The following ZNF423 variants were observed in gnomAD, a reference collection of about 807,000 sequenced individuals.
ZNF423 encodes the protein zinc finger protein 423.
ZNF423 carries 12 observed loss-of-function variants against 95.8 expected under a neutral mutation model. That is an observed-to-expected ratio of 0.13 (90% CI 0.08 to 0.20). The LOEUF (loss-of-function observed/expected upper bound fraction) is 0.20. ZNF423 is among the 10% of genes least tolerant of loss of function. ZNF423 has a pLI of 1.00. For synonymous variants in ZNF423, 749 were observed against 711.9 expected (o/e 1.05, Z -0.83); for missense variants, 1,316 against 1,737.1 (o/e 0.76, Z 4.31).
At chr16:49,739,408 G>T (rs1413943598) in intron 2 of ZNF423, among the ~76,000 whole-genome samples, 1 of 152,094 alleles carries the variant, frequency 6.6e-6, no homozygotes, top group Non-Finnish European at 1.5e-5. Context: ...AGGCCCTCTT[G>T]CAAGGCACGA....
intron 2 of ZNF423, among the ~76,000 whole-genome samples, chr16:49,768,150 G>A (rs993538666): frequency 3.3e-5 from 5 of 152,204 alleles, no homozygotes; most frequent in Non-Finnish European, 7.3e-5. Context: ...GAGGGCTCGC[G>A]CACAGCTGGA....
At chr16:49,799,092 C>T (rs2034542300) in intron 1 of ZNF423, among the ~76,000 whole-genome samples, 1 of 152,124 alleles carries the variant, frequency 6.6e-6, no homozygotes, top group Non-Finnish European at 1.5e-5. Context: ...CTGGAATAGG[C>T]TGCTGTCCCC....
At chr16:49,495,048 G>T (rs936680277) in intron 7 of ZNF423, among the ~76,000 whole-genome samples, 2 of 152,226 alleles carry the variant, frequency 1.3e-5, no homozygotes, top group African/African-American at 4.8e-5. Context: ...ATAAAGGCTG[G>T]GGGTGGAGAC....
rs545490850 is a variant in ZNF423 at position 49,677,023 on chromosome 16, C to A, written c.302-38149G>T. On this transcript the variant is annotated intron_variant, in intron 3 of 7. Transcript: ENST00000563137. ...ACCTGAGGTCAGGAGCTCAAGATCA[C>A]CCTGGCCAACATGGTGAAACCCCAT... 9.9e-5 allele frequency among the ~76,000 whole-genome samples: 15 copies of A among 151,518 alleles called. No individual in the cohort carries two copies. In the East Asian group the frequency reaches 2.8e-3, roughly 28 times the overall value.
intron 7 of ZNF423, among the ~76,000 whole-genome samples, chr16:49,509,920 A>G (rs1407750597): frequency 6.6e-6 from 1 of 152,234 alleles, no homozygotes; most frequent in Non-Finnish European, 1.5e-5. Context: ...GTTTGCCCTC[A>G]GAATGGGAAA....
intron 5 of ZNF423, among the ~76,000 whole-genome samples, chr16:49,624,544 C>T (rs1430835050): frequency 2.0e-5 from 3 of 152,110 alleles, no homozygotes; most frequent in Non-Finnish European, 4.4e-5. Flanking sequence ...CAGAGTGAGA[C>T]TCTGTCTCAA....
At chr16:49,503,980 T>C (rs1464609115) in intron 7 of ZNF423, among the ~76,000 whole-genome samples, 2 of 152,210 alleles carry the variant, frequency 1.3e-5, no homozygotes, top group East Asian at 3.9e-4. Flanking sequence ...GGATGGATCC[T>C]TTGAGGACAC....
At chr16:49,813,266 G>A (rs370117558) in intron 1 of ZNF423, among the ~76,000 whole-genome samples, 13 of 146,462 alleles carry the variant, frequency 8.9e-5, no homozygotes, top group East Asian at 2.2e-4. Context: ...AACAGGCAAC[G>A]GCGCACTTCA....
At chr16:49,820,798 A>G (rs2034928671) in intron 1 of ZNF423, among the ~76,000 whole-genome samples, 1 of 152,266 alleles carries the variant, frequency 6.6e-6, no homozygotes, top group South Asian at 2.1e-4. Flanking sequence ...ACTAGAAAGC[A>G]AAAAGGAGCT....
At chr16:49,720,614 C>G (rs1275238746) in intron 3 of ZNF423, among the ~76,000 whole-genome samples, 1 of 152,202 alleles carries the variant, frequency 6.6e-6, no homozygotes, top group African/African-American at 2.4e-5. Context: ...ATATACACAC[C>G]AAGGATTCTG....
intron 2 of ZNF423, among the ~76,000 whole-genome samples, chr16:49,787,056 C>G (rs756528323): frequency 3.9e-4 from 59 of 152,112 alleles, no homozygotes; most frequent in Non-Finnish European, 7.5e-4. Flanking sequence ...GATGGCTCAG[C>G]GAGATGCTGC....
intron 1 of ZNF423, among the ~76,000 whole-genome samples, chr16:49,798,821 G>C (rs1397696841): frequency 1.3e-5 from 2 of 152,196 alleles, no homozygotes; most frequent in South Asian, 2.1e-4. Context: ...TGTTGCCCTG[G>C]AGAATTGTAG....
At chr16:49,491,955 C>T (rs942424690) in intron 7 of ZNF423, among the ~76,000 whole-genome samples, 7 of 152,186 alleles carry the variant, frequency 4.6e-5, no homozygotes, top group African/African-American at 1.7e-4. Context: ...ATGGCAATGG[C>T]CCAACCAGAG....
At chr16:49,854,758 C>A (rs2144137101) in intron 1 of ZNF423, 1 of 985,396 alleles carries the variant, frequency 1.0e-6, no homozygotes, top group Admixed American at 6.1e-5. Context: ...GGGGCCTCTA[C>A]TCTCCAGGGG....
At chr16:49,765,104 A>C (rs1039723019) in intron 2 of ZNF423, among the ~76,000 whole-genome samples, 1 of 151,472 alleles carries the variant, frequency 6.6e-6, no homozygotes, top group Non-Finnish European at 1.5e-5. Context: ...ACCTTTCTCT[A>C]CCTTCACCTC....
At chr16:49,845,741 G>A (rs1053861626) in intron 1 of ZNF423, among the ~76,000 whole-genome samples, 77 of 150,098 alleles carry the variant, frequency 5.1e-4, no homozygotes, top group Middle Eastern at 7.1e-3. Flanking sequence ...AGGTGGTTTC[G>A]CCATGTTGCC....
intron 1 of ZNF423, among the ~76,000 whole-genome samples, chr16:49,851,565 C>T (rs561342856): frequency 6.6e-6 from 1 of 152,212 alleles, no homozygotes; most frequent in Non-Finnish European, 1.5e-5. Context: ...TCCTGCCTTC[C>T]TGGTTCCCCC....
chr16:49,800,609 C>T (rs2143895125), intron 1 of ZNF423, among the ~76,000 whole-genome samples: 1 of 152,324 alleles, frequency 6.6e-6, no homozygotes, highest in South Asian at 2.1e-4. Flanking sequence ...CTCCTGCGCA[C>T]ACACTTGAGG....
chr16:49,608,000 C>A (rs1464723045), intron 5 of ZNF423, among the ~76,000 whole-genome samples: 1 of 152,186 alleles, frequency 6.6e-6, no homozygotes, highest in African/African-American at 2.4e-5. Flanking sequence ...GACTGGAGAT[C>A]ATTCTACCAC....
Sources: allele counts gnomAD v4.1 joint callset (sites outside exome capture counted in the v4.1 genomes callset), GRCh38; gene constraint gnomAD v4.1.1; transcripts MANE v1.5; gene names NCBI Gene and HGNC (gene_info 2026-07-23, HGNC 2026-07-21).